RBKS: variants seen among roughly 807,000 people sequenced by gnomAD.
RBKS encodes ribokinase.
In RBKS, 33 loss-of-function variants were observed where a neutral mutation model predicts 33.9. The observed-to-expected ratio is 0.97, with a 90% CI of 0.74 to 1.30. RBKS has a LOEUF of 1.30. RBKS is among the 50% of genes most tolerant of loss of function. The pLI is 0.00. For missense variants in RBKS, 361 were observed against 392.6 expected, an observed-to-expected ratio of 0.92 and a Z score of 0.68; for synonymous variants, 125 against 143.0, an observed-to-expected ratio of 0.87 and a Z score of 0.90.
At chr2:27,853,722 A>G (rs1332635476) in intron 2 of RBKS, among the ~76,000 whole-genome samples, 2 of 152,236 alleles carry the variant, frequency 1.3e-5, no homozygotes, top group Non-Finnish European at 2.9e-5. Flanking sequence ...AGGCCTGATT[A>G]TCTGAGAGTG....
chr2:27,827,780 A>T, intron 6 of RBKS, 25 bp from the exon 7 acceptor site: 1 of 1,528,358 alleles, frequency 6.5e-7, no homozygotes, highest in Non-Finnish European at 8.8e-7. Context: ...AGTCAACAGA[A>T]ACAGTGGTGA....
rs143957660 is a variant in RBKS at position 27,793,499 on chromosome 2, C to T, written c.796-11711G>A. Among the ~76,000 whole-genome samples, 24 of 152,272 alleles carry T rather than the reference C, an allele frequency of 1.6e-4. 1 individual carries two copies. In the East Asian group the frequency reaches 3.3e-3, roughly 21 times the overall value. On this transcript the variant is annotated intron_variant, in intron 7 of 7. Transcript: ENST00000302188. The stretch of plus-strand genomic sequence containing the variant: ...GGGCCTGGAGAAGGACACAAGGTCA[C>T]GGATGTAGTATTCCTGCCTCAAATG...
At chr2:27,841,196 C>T (rs1214708531) in intron 5 of RBKS, among the ~76,000 whole-genome samples, 3 of 152,086 alleles carry the variant, frequency 2.0e-5, no homozygotes, top group African/African-American at 7.2e-5. Context: ...GCCTGCCCAT[C>T]CGGATTACTC....
chr2:27,860,243 C>T (rs1339064921), intron 1 of RBKS, among the ~76,000 whole-genome samples: 1 of 152,108 alleles, frequency 6.6e-6, no homozygotes, highest in African/African-American at 2.4e-5. Context: ...TTTAATTTAG[C>T]AATGACAAGT....
intron 6 of RBKS, among the ~76,000 whole-genome samples, chr2:27,832,308 TTATC>T (rs1355000550): frequency 6.6e-6 from 1 of 152,238 alleles, no homozygotes; most frequent in African/African-American, 2.4e-5. Context: ...ATGTTATTTA[TTATC>T]TATCTGAAAT....
chr2:27,828,079 T>C (rs1165346851), intron 6 of RBKS, among the ~76,000 whole-genome samples: 2 of 152,190 alleles, frequency 1.3e-5, no homozygotes, highest in African/African-American at 4.8e-5. Flanking sequence ...GTATTTGGGG[T>C]GAGGCATCAT....
rs577715051 is a variant in RBKS, at chr2:27,794,173, T to C, written c.796-12385A>G. On this transcript the variant is annotated intron_variant, in intron 7 of 7. Transcript: ENST00000302188. The stretch of plus-strand genomic sequence containing the variant: ...TTAGCCGGGCGTGGTGGTGCATGCC[T>C]GTAATAACAGCTACTTGGGAGGCCG... Among the ~76,000 whole-genome samples, 111 of 151,792 alleles carry C rather than the reference T, an allele frequency of 7.3e-4. 2 individuals carry two copies. The highest frequency in any genetic ancestry group is 2.5e-3 in the African/African-American group (105 of 41,418).
chr2:27,836,163 C>T (rs1237580845), intron 5 of RBKS, among the ~76,000 whole-genome samples: 1 of 151,992 alleles, frequency 6.6e-6, no homozygotes, highest in African/African-American at 2.4e-5. Flanking sequence ...TGTGGTGAGC[C>T]GAGATCATGC....
chr2:27,854,280 C>T (rs1369918879), intron 2 of RBKS, among the ~76,000 whole-genome samples: 9 of 152,210 alleles, frequency 5.9e-5, no homozygotes, highest in African/African-American at 1.9e-4. Flanking sequence ...TGCTTACTCT[C>T]AATTCCTGTG....
intron 7 of RBKS, chr2:27,809,836 C>A: frequency 1.2e-6 from 1 of 856,642 alleles, no homozygotes; most frequent in Non-Finnish European, 1.6e-6. Flanking sequence ...ATAATATTAG[C>A]ACCAACCACA....
intron 1 of RBKS, among the ~76,000 whole-genome samples, chr2:27,859,192 G>T (rs1483037972): frequency 6.6e-6 from 1 of 152,128 alleles, no homozygotes; most frequent in Non-Finnish European, 1.5e-5. Flanking sequence ...CTCAAAAAGG[G>T]TGTCTATTTT....
intron 7 of RBKS, among the ~76,000 whole-genome samples, chr2:27,823,004 C>T (rs931357986): frequency 2.0e-5 from 3 of 152,190 alleles, no homozygotes; most frequent in African/African-American, 7.2e-5. Context: ...TAATATATCA[C>T]AGTAGCACAA....
chr2:27,812,171 G>A (rs981516903), intron 7 of RBKS, among the ~76,000 whole-genome samples: 8 of 152,280 alleles, frequency 5.3e-5, no homozygotes, highest in African/African-American at 1.9e-4. Context: ...AAACCATAAT[G>A]AGATACCATC....
intron 7 of RBKS, among the ~76,000 whole-genome samples, chr2:27,801,597 AAT>A (rs1677785380): frequency 6.6e-6 from 1 of 151,984 alleles, no homozygotes; most frequent in Non-Finnish European, 1.5e-5. Flanking sequence ...ACTGTAATAT[AAT>A]GTTTGGTAGG....
At chr2:27,867,314 A>G (rs1210791116) in intron 1 of RBKS, among the ~76,000 whole-genome samples, 3 of 152,126 alleles carry the variant, frequency 2.0e-5, no homozygotes, top group Non-Finnish European at 4.4e-5. Flanking sequence ...AAGAAATTAT[A>G]TTATAGAAAG....
intron 6 of RBKS, among the ~76,000 whole-genome samples, chr2:27,828,556 A>G (rs1258048082): frequency 1.3e-5 from 2 of 152,204 alleles, no homozygotes; most frequent in African/African-American, 4.8e-5. Context: ...GGTAGCAGAA[A>G]ACGCAATGCC....
chr2:27,875,228 A>T (rs184344339), intron 1 of RBKS, among the ~76,000 whole-genome samples: 1 of 152,358 alleles, frequency 6.6e-6, no homozygotes, highest in Non-Finnish European at 1.5e-5. Context: ...GAAGGCAAAT[A>T]GGCAATATAT....
intron 7 of RBKS, among the ~76,000 whole-genome samples, chr2:27,791,974 T>C (rs1677535795): frequency 6.6e-6 from 1 of 152,178 alleles, no homozygotes; most frequent in Non-Finnish European, 1.5e-5. Flanking sequence ...ATAAAAATTA[T>C]ATCTAATACA....
At chr2:27,847,949 A>C in intron 3 of RBKS, 85 bp downstream of exon 3, 1 of 768,618 alleles carries the variant, frequency 1.3e-6, no homozygotes. Flanking sequence ...AGGTCTAATA[A>C]TCCTCCTCTA....
Sources: allele counts gnomAD v4.1 joint callset (sites outside exome capture counted in the v4.1 genomes callset), GRCh38; gene constraint gnomAD v4.1.1; transcripts MANE v1.5; gene names NCBI Gene and HGNC (gene_info 2026-07-23, HGNC 2026-07-21).